The following PCGF5 variants were observed in gnomAD, a reference collection of about 807,000 sequenced individuals.
PCGF5 encodes the protein polycomb group ring finger 5.
A neutral mutation model predicts 44.3 loss-of-function variants in PCGF5; 9 were observed. The ratio of observed to expected loss-of-function variants is 0.20; its 90% CI spans 0.12 to 0.35. PCGF5 has a LOEUF of 0.35. PCGF5 is among the 10% of genes least tolerant of loss of function. The pLI is 1.00. For missense variants in PCGF5, 146 were observed against 305.3 expected (o/e 0.48, Z 3.89); for synonymous variants, 95 against 102.5 (o/e 0.93, Z 0.44).
chr10:91,246,318 G>A (rs970423004), intron 3 of PCGF5, among the ~76,000 whole-genome samples: 10 of 152,166 alleles, frequency 6.6e-5, no homozygotes, highest in Non-Finnish European at 1.0e-4. Context: ...CATTGGTTTG[G>A]TCGGAGAGTA....
intron 1 of PCGF5, among the ~76,000 whole-genome samples, chr10:91,197,941 A>G (rs1005804432): frequency 6.6e-6 from 1 of 152,190 alleles, no homozygotes; most frequent in African/African-American, 2.4e-5. Flanking sequence ...TGTTTCATTC[A>G]TTCAATAAAT....
rs1185362199 is a variant in PCGF5 at position 91,283,180 on chromosome 10, G to A, written c.*4864G>A. 1.3e-5 allele frequency: 2 copies of A among 152,090 alleles called. No individual in the cohort carries two copies. Among genetic ancestry groups the A allele is most frequent in the African/African-American group, 4.8e-5 (2 of 41,398 alleles). 9.4% of individuals were successfully genotyped at this position (152,090 alleles called of 1,614,324 possible). On this transcript the variant is annotated 3_prime_UTR_variant, in exon 10 of 10. Coordinates refer to ENST00000336126, the MANE Select transcript of PCGF5 (RefSeq NM_032373.5). ...AATAATTTAAGTAATTCTCTTCCTA[G>A]TATAATACAGTTTTCATAAATAATG...
chr10:91,260,769 A>G (rs1023200823), intron 6 of PCGF5, among the ~76,000 whole-genome samples: 2 of 133,234 alleles, frequency 1.5e-5, no homozygotes, highest in East Asian at 2.5e-4. Context: ...ATGAGAACAC[A>G]TGGACACAGG....
intron 1 of PCGF5, among the ~76,000 whole-genome samples, chr10:91,184,797 A>T (rs1425940080): frequency 6.6e-6 from 1 of 152,024 alleles, no homozygotes; most frequent in East Asian, 1.9e-4. Flanking sequence ...GGTCTGCTCC[A>T]GTCCCTAGTG....
chr10:91,271,511 G>T, intron 8 of PCGF5, 127 bp from the exon 9 acceptor site: 1 of 648,150 alleles, frequency 1.5e-6, no homozygotes, highest in Non-Finnish European at 2.4e-6. Flanking sequence ...CATTTTTTTG[G>T]AAAGTGTTTA....
chr10:91,235,731 TG>T (rs1845142934), intron 2 of PCGF5, among the ~76,000 whole-genome samples: 1 of 152,154 alleles, frequency 6.6e-6, no homozygotes, highest in Admixed American at 6.5e-5. Flanking sequence ...TCACGAGATC[TG>T]GTGGTTTTAA....
chr10:91,166,742 T>C (rs1348020225), intron 1 of PCGF5, among the ~76,000 whole-genome samples: 1 of 152,210 alleles, frequency 6.6e-6, no homozygotes, highest in Non-Finnish European at 1.5e-5. Flanking sequence ...AAGTAGAGCT[T>C]TCCACAGCAA....
intron 1 of PCGF5, among the ~76,000 whole-genome samples, chr10:91,181,034 T>A (rs1300208196): frequency 1.3e-5 from 2 of 152,224 alleles, no homozygotes; most frequent in African/African-American, 4.8e-5. Context: ...AGCAGTGGTT[T>A]GTTGTTCTCC....
At position 91,282,506 on chromosome 10, in the gene PCGF5, C is replaced by G. The variant is rs1349171550; in HGVS notation, c.*4190C>G. The G allele has an allele frequency of 6.6e-6, 1 of 152,590 alleles. No individual in the cohort carries two copies. Among genetic ancestry groups the G allele is most frequent in the Non-Finnish European group, 1.5e-5 (1 of 68,036 alleles). 9.5% of individuals were successfully genotyped at this position (152,590 alleles called of 1,614,324 possible). On this transcript the variant is annotated 3_prime_UTR_variant, in exon 10 of 10. Coordinates refer to ENST00000336126, the MANE Select transcript of PCGF5 (RefSeq NM_032373.5). ...CTCCAAAAAAAATTCAACTCTTGGT[C>G]TTGTTTCTCAGCACTTAGTTTATTG...
rs14611 is a variant in PCGF5, at chr10:91,284,172, A to T, written c.*5856A>T. ...CTGTATAATTGTACTGTTGGGCTAG[A>T]TACTTTTTTTTTTTAATCTGGACTT... On this transcript the variant is annotated 3_prime_UTR_variant, in exon 10 of 10. Transcript: ENST00000336126. The T allele has an allele frequency of 0.12, 18,725 of 151,932 alleles. 2,095 individuals are homozygous for T. Among genetic ancestry groups the T allele is most frequent in the African/African-American group, 0.3 (12,207 of 41,252 alleles). The allele number at this position is 151,932 out of a possible 1,614,324, so 9.4% of individuals were successfully genotyped here.
At chr10:91,180,002 C>A (rs1238438220) in intron 1 of PCGF5, among the ~76,000 whole-genome samples, 10 of 152,054 alleles carry the variant, frequency 6.6e-5, no homozygotes, top group Admixed American at 6.6e-4. Context: ...ACAAACTCAC[C>A]AGCACCTATT....
upstream of PCGF5, among the ~76,000 whole-genome samples, chr10:91,160,823 G>A (rs1014166623): frequency 6.6e-6 from 1 of 152,208 alleles, no homozygotes; most frequent in Non-Finnish European, 1.5e-5. Flanking sequence ...GCCTCGGGAA[G>A]AGAAAGTTCC....
intron 8 of PCGF5, among the ~76,000 whole-genome samples, chr10:91,268,316 G>A (rs1846094524): frequency 6.6e-6 from 1 of 152,090 alleles, no homozygotes. Flanking sequence ...GGCCTTCTAG[G>A]TTGCTTTATG....
rs952801849 is a variant in PCGF5 at position 91,280,232 on chromosome 10, T to C, written c.*1916T>C. 3 of 152,052 alleles carry C rather than the reference T, an allele frequency of 2.0e-5. No homozygotes were observed. Among genetic ancestry groups the C allele is most frequent in the Admixed American group, 1.3e-4 (2 of 15,268 alleles). 9.4% of individuals were successfully genotyped at this position (152,052 alleles called of 1,614,324 possible). A position where few individuals can be genotyped will look rare whatever the true frequency, so the allele number is the denominator to read the frequency against. ...ACTTTTACAAATTATTATAAATTTG[T>C]CACACCTAGGTCAGCGATTAAAATA... On this transcript the variant is annotated 3_prime_UTR_variant, in exon 10 of 10. Transcript: ENST00000336126.
intron 6 of PCGF5, among the ~76,000 whole-genome samples, chr10:91,258,674 T>C (rs181817660): frequency 2.6e-5 from 4 of 152,268 alleles, no homozygotes; most frequent in African/African-American, 9.6e-5. Context: ...ACAGAGAAGA[T>C]AGACGTGTAC....
intron 6 of PCGF5, among the ~76,000 whole-genome samples, chr10:91,260,565 G>A (rs1290243675): frequency 6.6e-6 from 1 of 152,044 alleles, no homozygotes; most frequent in Admixed American, 6.6e-5. Flanking sequence ...CAACCCAAAT[G>A]TCCAACAACG....
chr10:91,281,036 A>G lies in PCGF5; in HGVS notation c.*2720A>G, dbSNP rs766445441. On this transcript the variant is annotated 3_prime_UTR_variant, in exon 10 of 10. Transcript: ENST00000336126. Reference sequence around the variant, plus strand: ...TAGAAATTATAAGTATAAAAGGGTCAAGGGAACTTAGATATAAAGAATGAC... The same window carrying G: ...TAGAAATTATAAGTATAAAAGGGTCGAGGGAACTTAGATATAAAGAATGAC... 3 of 152,510 alleles carry G rather than the reference A, an allele frequency of 2.0e-5. No homozygotes were observed. The highest frequency in any genetic ancestry group is 4.4e-5 in the Non-Finnish European group (3 of 67,906). The allele number at this position is 152,510 out of a possible 1,614,324, so 9.4% of individuals were successfully genotyped here. A position where few individuals can be genotyped will look rare whatever the true frequency, so the allele number is the denominator to read the frequency against.
intron 6 of PCGF5, among the ~76,000 whole-genome samples, chr10:91,254,445 C>T (rs1439668720): frequency 6.6e-6 from 1 of 151,886 alleles, no homozygotes; most frequent in Non-Finnish European, 1.5e-5. Flanking sequence ...TTCTGTAGTA[C>T]TTATATTTAT....
chr10:91,223,567 C>T (rs1844736967), intron 2 of PCGF5, among the ~76,000 whole-genome samples: 1 of 152,164 alleles, frequency 6.6e-6, no homozygotes, highest in African/African-American at 2.4e-5. Context: ...GAGCTCCTAG[C>T]AGATTTCATT....
Sources: gnomAD v4.1 joint callset for allele counts (sites outside exome capture counted in the v4.1 genomes callset) on GRCh38, gnomAD v4.1.1 for gene constraint, MANE v1.5 for transcripts, NCBI Gene and HGNC (gene_info 2026-07-23, HGNC 2026-07-21) for gene names.